Variants in SLIT3 observed in about 807,000 individuals in gnomAD.
The protein encoded by SLIT3 is slit guidance ligand 3, also known as slit homolog 3 protein.
A neutral mutation model predicts 184.0 loss-of-function variants in SLIT3; 68 were observed. That is an observed-to-expected ratio of 0.37 (90% CI 0.30 to 0.45). SLIT3 has a LOEUF of 0.45. SLIT3 is among the 20% of genes least tolerant of loss of function. The pLI is 1.00. For missense variants in SLIT3, 1,707 were observed against 2,026.0 expected (o/e 0.84, Z 3.02); for synonymous variants, 831 against 828.6 (o/e 1.00, Z -0.05).
chr5:169,085,901 G>T (rs58227374), intron 4 of SLIT3, among the ~76,000 whole-genome samples: 1 of 152,088 alleles, frequency 6.6e-6, no homozygotes, highest in East Asian at 1.9e-4. Context: ...CTGGTCCAAC[G>T]TTGGTGTCTT....
intron 4 of SLIT3, among the ~76,000 whole-genome samples, chr5:169,093,195 AC>A (rs1759652818): frequency 6.6e-6 from 1 of 151,786 alleles, no homozygotes. Flanking sequence ...TCAAGAATTC[AC>A]CTCTCTTGCT....
intron 26 of SLIT3, among the ~76,000 whole-genome samples, chr5:168,701,713 C>G (rs866661429): frequency 2.0e-5 from 3 of 152,188 alleles, no homozygotes; most frequent in African/African-American, 7.2e-5. Context: ...CTTACAGGAC[C>G]TGGTAGCGTG....
rs149143971 is a variant in SLIT3, at chr5:168,984,579, G to A, written c.414-101243C>T. On this transcript the variant is annotated intron_variant, in intron 4 of 35. Coordinates refer to ENST00000519560, the MANE Select transcript of SLIT3 (RefSeq NM_003062.4). Reference sequence around the variant, plus strand: ...TCCAGCCCCACTGAAATATCAAGGTGAGGCTGCATGGGGCCTAATGACCTC... The same window carrying A: ...TCCAGCCCCACTGAAATATCAAGGTAAGGCTGCATGGGGCCTAATGACCTC... 9.0e-3 allele frequency among the ~76,000 whole-genome samples: 1,364 copies of A among 152,294 alleles called. 24 individuals are homozygous for A. Among genetic ancestry groups the A allele is most frequent in the African/African-American group, 0.031 (1,274 of 41,562 alleles).
intron 4 of SLIT3, among the ~76,000 whole-genome samples, chr5:168,905,769 C>G (rs981029548): frequency 6.6e-6 from 1 of 152,196 alleles, no homozygotes; most frequent in African/African-American, 2.4e-5. Flanking sequence ...TTGGAGGAGC[C>G]TGGGTTAGCA....
chr5:169,132,606 C>T (rs995409634), intron 4 of SLIT3, among the ~76,000 whole-genome samples: 6 of 152,088 alleles, frequency 3.9e-5, no homozygotes, highest in African/African-American at 1.4e-4. Context: ...TGGAATGATC[C>T]AAATCTAAGT....
At chr5:168,997,551 C>T (rs924898142) in intron 4 of SLIT3, among the ~76,000 whole-genome samples, 6 of 152,106 alleles carry the variant, frequency 3.9e-5, no homozygotes, top group African/African-American at 7.2e-5. Flanking sequence ...GAGTCATGGC[C>T]GCGTGGCTTT....
chr5:169,202,241 T>TAAATA (rs57011559), intron 3 of SLIT3, among the ~76,000 whole-genome samples: 22,505 of 151,444 alleles, frequency 0.15, 2,001 homozygotes, highest in East Asian at 0.44. Flanking sequence ...CAAAAATAAA[T>TAAATA]AAATAAAATA....
chr5:169,298,834 GA>G (rs1346537719), intron 1 of SLIT3, among the ~76,000 whole-genome samples: 8 of 152,322 alleles, frequency 5.3e-5, no homozygotes, highest in Admixed American at 2.0e-4. Flanking sequence ...TAACTAACAG[GA>G]CTGTTGGAGT....
At chr5:168,863,548 T>C (rs1372571850) in intron 5 of SLIT3, among the ~76,000 whole-genome samples, 3 of 152,330 alleles carry the variant, frequency 2.0e-5, no homozygotes, top group South Asian at 4.2e-4. Context: ...GTTGTACTTA[T>C]GCAAATGGTA....
chr5:168,861,580 A>G (rs144935517), intron 5 of SLIT3, among the ~76,000 whole-genome samples: 2 of 152,278 alleles, frequency 1.3e-5, no homozygotes, highest in East Asian at 3.9e-4. Flanking sequence ...TGCATTAAGG[A>G]GCTGATTCCA....
chr5:168,986,246 C>CGTCATGATA, intron 4 of SLIT3, among the ~76,000 whole-genome samples: 1 of 152,256 alleles, frequency 6.6e-6, no homozygotes, highest in East Asian at 1.9e-4. Context: ...GCAAAAATCA[C>CGTCATGATA]GATCCCTATA....
intron 4 of SLIT3, among the ~76,000 whole-genome samples, chr5:169,014,567 T>C (rs1756290872): frequency 6.6e-6 from 1 of 152,122 alleles, no homozygotes; most frequent in South Asian, 2.1e-4. Context: ...TCCTCTGAGC[T>C]GGAAAACAGT....
intron 4 of SLIT3, among the ~76,000 whole-genome samples, chr5:169,171,862 G>T (rs1164110005): frequency 1.3e-5 from 2 of 152,200 alleles, no homozygotes; most frequent in Non-Finnish European, 2.9e-5. Flanking sequence ...CACCCAGAAT[G>T]CCTAAGGGGC....
intron 4 of SLIT3, among the ~76,000 whole-genome samples, chr5:168,896,931 G>C (rs1760684217): frequency 6.6e-6 from 1 of 152,314 alleles, no homozygotes; most frequent in Middle Eastern, 3.4e-3. Flanking sequence ...AAGGAGGCTG[G>C]GGTCTGGGTG....
intron 4 of SLIT3, among the ~76,000 whole-genome samples, chr5:168,918,410 C>T (rs929289241): frequency 6.6e-6 from 1 of 152,112 alleles, no homozygotes; most frequent in Non-Finnish European, 1.5e-5. Flanking sequence ...TTTAAAGGGC[C>T]CCTGGGGCTA....
At chr5:168,856,806 T>TGTGTGTGTGTGTGTGC (rs374432432) in intron 5 of SLIT3, among the ~76,000 whole-genome samples, 22 of 137,740 alleles carry the variant, frequency 1.6e-4, no homozygotes, top group Non-Finnish European at 2.0e-4. Flanking sequence ...TGTGTGTGTG[T>TGTGTGTGTGTGTGTGC]GCGCGCGCGC....
chr5:169,195,907 T>C (rs1763726175), intron 3 of SLIT3, among the ~76,000 whole-genome samples: 2 of 152,194 alleles, frequency 1.3e-5, no homozygotes, highest in East Asian at 3.8e-4. Context: ...TTTATCTTCT[T>C]AGCAATAAAA....
At chr5:169,128,515 G>A (rs527666615) in intron 4 of SLIT3, among the ~76,000 whole-genome samples, 3 of 152,070 alleles carry the variant, frequency 2.0e-5, no homozygotes, top group South Asian at 2.1e-4. Context: ...CACAACCTGC[G>A]CCTCCTGGGT....
intron 4 of SLIT3, among the ~76,000 whole-genome samples, chr5:168,973,342 G>A (rs1754645832): frequency 6.6e-6 from 1 of 152,104 alleles, no homozygotes; most frequent in Non-Finnish European, 1.5e-5. Flanking sequence ...CTGCCTCCCG[G>A]GTTCAAGCGA....
Sources: gnomAD v4.1 joint callset for allele counts (sites outside exome capture counted in the v4.1 genomes callset) on GRCh38, gnomAD v4.1.1 for gene constraint, MANE v1.5 for transcripts, NCBI Gene and HGNC (gene_info 2026-07-23, HGNC 2026-07-21) for gene names.